The following NUDCD2 variants were observed in gnomAD, a reference collection of about 807,000 sequenced individuals.
The protein encoded by NUDCD2 is nudC domain-containing protein 2.
NUDCD2 carries 16 observed loss-of-function variants against 20.8 expected under a neutral mutation model. The ratio of observed to expected loss-of-function variants is 0.77; its 90% CI spans 0.52 to 1.17. The LOEUF (loss-of-function observed/expected upper bound fraction) is 1.17, where lower values mean the gene tolerates loss of function less well. Ranked by LOEUF, NUDCD2 falls within the 50% of genes most tolerant of loss-of-function variation. The pLI is 0.00. For missense variants in NUDCD2, 199 were observed against 193.9 expected, an observed-to-expected ratio of 1.03 and a Z score of -0.16; for synonymous variants, 87 against 72.8, an observed-to-expected ratio of 1.20 and a Z score of -1.00.
rs756887580 is a variant in NUDCD2, at chr5:163,459,902, C to T, written c.149G>A (p.Arg50Gln). ...AQDIQCGLQS[R>Q]HVALSVGGRE... ...GCCGCCCACCGACAGCGCCACATGC[C>T]GGCTCTGGAGGCCGCACTGGATATC... The change falls in exon 1 of 4, where the codon CGG (arginine) becomes CAG (glutamine). Residue 50 changes from arginine to glutamine, a missense_variant. Transcript: ENST00000302764. The T allele has an allele frequency of 1.2e-6, 2 of 1,610,956 alleles. No homozygotes were observed.
intron 3 of NUDCD2, among the ~76,000 whole-genome samples, chr5:163,454,707 G>T (rs1258012873): frequency 6.6e-6 from 1 of 152,168 alleles, no homozygotes; most frequent in Non-Finnish European, 1.5e-5. Context: ...ACATATATAA[G>T]ATATTTAACC....
At position 163,453,817 on chromosome 5, in the gene NUDCD2, T is replaced by C. The variant is rs1312871545; in HGVS notation, c.*150A>G. The C allele has an allele frequency of 4.6e-6, 2 of 433,634 alleles. No homozygotes were observed. Among genetic ancestry groups the C allele is most frequent in the African/African-American group, 4.1e-5 (2 of 49,004 alleles). 26.9% of individuals were successfully genotyped at this position (433,634 alleles called of 1,614,324 possible). On this transcript the variant is annotated 3_prime_UTR_variant, in exon 4 of 4. Coordinates refer to ENST00000302764, the MANE Select transcript of NUDCD2 (RefSeq NM_145266.6). ...CACAGTACATTTCCTATGTAAATTA[T>C]GTTTGAATGCAATTTTTAGAACCAT...
At chr5:163,457,170 C>T in intron 2 of NUDCD2, 90 bp from the exon 3 acceptor site, 1 of 1,330,020 alleles carries the variant, frequency 7.5e-7, no homozygotes, top group East Asian at 2.6e-5. Context: ...GTATCACTCT[C>T]ACCCAGGCTG....
chr5:163,458,344 A>C (rs550175867), intron 1 of NUDCD2, among the ~76,000 whole-genome samples: 11 of 152,126 alleles, frequency 7.2e-5, no homozygotes, highest in South Asian at 4.1e-4. Context: ...AATCGGCATT[A>C]AAAAAACTTT....
In NUDCD2 at chr5:163,448,169, C is replaced by T. The variant is rs1424453636; in HGVS notation, c.*5798G>A. On this transcript the variant is annotated 3_prime_UTR_variant, in exon 4 of 4. Coordinates refer to ENST00000302764, the MANE Select transcript of NUDCD2 (RefSeq NM_145266.6). ...GAGACCTGTCTACAAAAAAAAGAAG[C>T]CCAAACTAAACCTAAAGCAAGCAGA... 4 of 146,534 alleles carry T rather than the reference C, an allele frequency of 2.7e-5. No individual in the cohort carries two copies. The highest frequency in any genetic ancestry group is 1.0e-4 in the African/African-American group (4 of 39,316). 9.1% of individuals were successfully genotyped at this position (146,534 alleles called of 1,614,324 possible). A position where few individuals can be genotyped will look rare whatever the true frequency, so the allele number is the denominator to read the frequency against.
At chr5:163,456,689 G>A (rs1339673517) in intron 3 of NUDCD2, among the ~76,000 whole-genome samples, 2 of 152,116 alleles carry the variant, frequency 1.3e-5, no homozygotes, top group East Asian at 3.8e-4. Context: ...CATTACTGAT[G>A]TACATAAAAG....
chr5:163,457,004 T>C lies in NUDCD2; in HGVS notation c.315A>G (p.Glu105=), dbSNP rs932595253. The C allele has an allele frequency of 2.5e-6, 4 of 1,613,702 alleles. No homozygotes were observed. In the South Asian group the frequency reaches 4.4e-5, roughly 18 times the overall value. Residue 105 remains glutamate (E), a synonymous_variant, in exon 3 of 4, where the codon GAA becomes GAG. Coordinates refer to ENST00000302764, the MANE Select transcript of NUDCD2 (RefSeq NM_145266.6). ...CCCAAGGATCCGCTGCATATTCAGATTCTAGTAGAGAAGTCCAACAATTTG... is the reference window on the plus strand; with the variant it reads ...CCCAAGGATCCGCTGCATATTCAGACTCTAGTAGAGAAGTCCAACAATTTG... ...DAANCWTSLL[E]SEYAADPWVQ...
chr5:163,459,444 TCTTTG>T (rs1289941397), intron 1 of NUDCD2: 1 of 152,452 alleles, frequency 6.6e-6, no homozygotes. Context: ...ATCCCTATTT[TCTTTG>T]TTGTCCTTTC....
chr5:163,455,213 T>C (rs1383770091), intron 3 of NUDCD2, among the ~76,000 whole-genome samples: 3 of 151,714 alleles, frequency 2.0e-5, no homozygotes, highest in Admixed American at 1.3e-4. Flanking sequence ...GTATGCTTCA[T>C]TGAGCAATGA....
chr5:163,453,955 G>T lies in NUDCD2; in HGVS notation c.*12C>A. 6.8e-7 allele frequency: 1 copy of T among 1,466,668 alleles called. No individual in the cohort carries two copies. Among genetic ancestry groups the T allele is most frequent in the Non-Finnish European group, 9.2e-7 (1 of 1,084,250 alleles). 90.9% of individuals were successfully genotyped at this position (1,466,668 alleles called of 1,614,324 possible). A position where few individuals can be genotyped will look rare whatever the true frequency, so the allele number is the denominator to read the frequency against. On this transcript the variant is annotated 3_prime_UTR_variant, in exon 4 of 4. Coordinates refer to ENST00000302764, the MANE Select transcript of NUDCD2 (RefSeq NM_145266.6). ...ATCTGCTAGGATCCACAGAATGCAG[G>T]AAAAAAAGCAGTTATTTCTCAAGGT... is the stretch of plus-strand genomic sequence containing the variant.
intron 3 of NUDCD2, among the ~76,000 whole-genome samples, chr5:163,456,395 TA>T (rs1029853494): frequency 6.6e-6 from 1 of 152,106 alleles, no homozygotes; most frequent in Non-Finnish European, 1.5e-5. Flanking sequence ...ACATCCAAAC[TA>T]CAGAATCCTC....
chr5:163,457,359 T>C (rs1176929296), intron 2 of NUDCD2, among the ~76,000 whole-genome samples: 5 of 151,910 alleles, frequency 3.3e-5, no homozygotes, highest in African/African-American at 1.2e-4. Flanking sequence ...CTCAAGAAGT[T>C]CTTCATTAAA....
In NUDCD2 at chr5:163,453,042, G is replaced by A. The variant is rs1310169295; in HGVS notation, c.*925C>T. 2.0e-5 allele frequency: 3 copies of A among 152,190 alleles called. No individual in the cohort carries two copies. The highest frequency in any genetic ancestry group is 2.0e-4 in the Admixed American group (3 of 15,284). 9.4% of individuals were successfully genotyped at this position (152,190 alleles called of 1,614,324 possible). A position where few individuals can be genotyped will look rare whatever the true frequency, so the allele number is the denominator to read the frequency against. On this transcript the variant is annotated 3_prime_UTR_variant, in exon 4 of 4. Transcript: ENST00000302764. Reference sequence around the variant, plus strand: ...CGTAAATTTCCTGATTCTAATGGTTGCATTGTAGTCATGTAAGATAATTTG... The same window carrying A: ...CGTAAATTTCCTGATTCTAATGGTTACATTGTAGTCATGTAAGATAATTTG...
rs1758449768 is a variant in NUDCD2 at position 163,460,053 on chromosome 5, T to C, written c.-3A>G. 6 of 1,556,246 alleles carry C rather than the reference T, an allele frequency of 3.9e-6. No individual in the cohort carries two copies. Among genetic ancestry groups the C allele is most frequent in the Non-Finnish European group, 3.5e-6 (4 of 1,152,832 alleles). Reference sequence around the variant, plus strand: ...CGCTCCTCAAACGGGGCCGACATAATCCAGTCCCTCCCGGCCGCGGCCGCA... The same window carrying C: ...CGCTCCTCAAACGGGGCCGACATAACCCAGTCCCTCCCGGCCGCGGCCGCA... On this transcript the variant is annotated 5_prime_UTR_variant, in exon 1 of 4. Transcript: ENST00000302764.
At position 163,451,072 on chromosome 5, in the gene NUDCD2, G is replaced by A. The variant is rs1758164615; in HGVS notation, c.*2895C>T. On this transcript the variant is annotated 3_prime_UTR_variant, in exon 4 of 4. Coordinates refer to ENST00000302764, the MANE Select transcript of NUDCD2 (RefSeq NM_145266.6). ...TATTATGATTCCATGTACATGAAATGTCCAGAATAAGGAAATCTATGAGAT... is the reference window on the plus strand; with the variant it reads ...TATTATGATTCCATGTACATGAAATATCCAGAATAAGGAAATCTATGAGAT... The A allele has an allele frequency of 6.6e-6, 1 of 152,202 alleles. No individual in the cohort carries two copies. The highest frequency in any genetic ancestry group is 2.1e-4 in the South Asian group (1 of 4,836). The allele number at this position is 152,202 out of a possible 1,614,324, so 9.4% of individuals were successfully genotyped here.
At chr5:163,458,482 G>A (rs1397555973) in intron 1 of NUDCD2, among the ~76,000 whole-genome samples, 1 of 152,016 alleles carries the variant, frequency 6.6e-6, no homozygotes, top group Non-Finnish European at 1.5e-5. Flanking sequence ...TGTAATCCCA[G>A]GACTTTGGAG....
At chr5:163,457,979 CTTTTTTTTTTT>C (rs540496894) in intron 1 of NUDCD2, among the ~76,000 whole-genome samples, 1 of 73,722 alleles carries the variant, frequency 1.4e-5, no homozygotes, top group Non-Finnish European at 2.3e-5. Flanking sequence ...AAAATGTTGT[CTTTTTTTTTTT>C]TTTTTTTTTT....
rs1219221264 is a variant in NUDCD2 at position 163,457,556 on chromosome 5, C to T, written c.238+6G>A. On this transcript the variant is annotated splice_donor_region_variant and intron_variant, in intron 2 of 3. Coordinates refer to ENST00000302764, the MANE Select transcript of NUDCD2 (RefSeq NM_145266.6). The stretch of plus-strand genomic sequence containing the variant: ...TAATTTGATGAATTATAGTAATTAC[C>T]CTTACCCAAAGTCCATGTTCCCTCA... 1.3e-6 allele frequency: 2 copies of T among 1,530,098 alleles called. No individual in the cohort carries two copies. The highest frequency in any genetic ancestry group is 1.8e-6 in the Non-Finnish European group (2 of 1,104,904). The allele number at this position is 1,530,098 out of a possible 1,614,324, so 94.8% of individuals were successfully genotyped here.
In NUDCD2 at chr5:163,450,805, C is replaced by G. The variant is rs1758159219; in HGVS notation, c.*3162G>C. 2 of 152,174 alleles carry G rather than the reference C, an allele frequency of 1.3e-5. No homozygotes were observed. The highest frequency in any genetic ancestry group is 1.3e-4 in the Admixed American group (2 of 15,274). 9.4% of individuals were successfully genotyped at this position (152,174 alleles called of 1,614,324 possible). On this transcript the variant is annotated 3_prime_UTR_variant, in exon 4 of 4. Coordinates refer to ENST00000302764, the MANE Select transcript of NUDCD2 (RefSeq NM_145266.6). Reference sequence around the variant, plus strand: ...ATCATATAACCTAAAAATTCTACTCCTAGGTAAGAAATGAAAACACATATG... The same window carrying G: ...ATCATATAACCTAAAAATTCTACTCGTAGGTAAGAAATGAAAACACATATG...
Sources: allele counts gnomAD v4.1 joint callset (sites outside exome capture counted in the v4.1 genomes callset), GRCh38; gene constraint gnomAD v4.1.1; transcripts MANE v1.5; gene names NCBI Gene and HGNC (gene_info 2026-07-23, HGNC 2026-07-21).